TTC23L: variants seen among roughly 807,000 people sequenced by gnomAD.
The protein encoded by TTC23L is tetratricopeptide repeat protein 23-like.
Under a neutral mutation model 48.1 loss-of-function variants are expected in TTC23L, and 42 were observed. The ratio of observed to expected loss-of-function variants is 0.87; its 90% CI spans 0.68 to 1.13. TTC23L has a LOEUF of 1.13. TTC23L is among the 50% of genes most tolerant of loss of function. The pLI, the probability that TTC23L is intolerant of heterozygous loss-of-function variation, is 0.00. For synonymous variants in TTC23L, 159 were observed against 157.2 expected (o/e 1.01, Z -0.09); for missense variants, 391 against 421.0 (o/e 0.93, Z 0.62).
the TTC23L span, chr5:34,918,366 A>G: frequency 3.6e-6 from 5 of 1,395,334 alleles, no homozygotes; most frequent in Non-Finnish European, 5.0e-6. Flanking sequence ...TTCTTTAGGG[A>G]AAGTGGAAAA....
At chr5:34,925,588 T>A in the TTC23L span, 1 of 1,060,988 alleles carries the variant, frequency 9.4e-7, no homozygotes, top group Non-Finnish European at 1.3e-6. Context: ...ATCTTACGTC[T>A]AATTAGTGTA....
chr5:34,858,261 T>A (rs1358320558), intron 4 of TTC23L, among the ~76,000 whole-genome samples: 1 of 152,172 alleles, frequency 6.6e-6, no homozygotes, highest in Non-Finnish European at 1.5e-5. Flanking sequence ...CTATGAAGCA[T>A]CCTTCATAGA....
the TTC23L span, chr5:34,922,352 T>TGTTATA: frequency 9.0e-5 from 95 of 1,058,854 alleles, no homozygotes; most frequent in Non-Finnish European, 1.2e-4. Flanking sequence ...GTACCTTTTA[T>TGTTATA]GTTATAGACT....
intron 4 of TTC23L, among the ~76,000 whole-genome samples, chr5:34,851,610 A>T (rs79102096): frequency 0.022 from 3,399 of 152,192 alleles, 128 homozygotes; most frequent in African/African-American, 0.079. Context: ...GAATGTCCTT[A>T]TGTACTGGCA....
intron 3 of TTC23L, 105 bp downstream of exon 3, chr5:34,845,778 G>C: frequency 1.7e-6 from 2 of 1,178,958 alleles, no homozygotes; most frequent in East Asian, 5.1e-5. Context: ...ATAGAGGAAG[G>C]TGTCATATTT....
At chr5:34,868,457 G>A (rs1263349551) in intron 7 of TTC23L, 2 of 155,980 alleles carry the variant, frequency 1.3e-5, no homozygotes, top group African/African-American at 4.8e-5. Flanking sequence ...TATATGCTGG[G>A]TGGTGTTCTA....
At chr5:34,877,361 CTTTTT>C (rs796888113) in intron 8 of TTC23L, among the ~76,000 whole-genome samples, 2 of 121,092 alleles carry the variant, frequency 1.7e-5, no homozygotes, top group Non-Finnish European at 1.8e-5. Context: ...CACCATTGTT[CTTTTT>C]TTTTTTTTTT....
chr5:34,877,193 G>A (rs993986384), intron 8 of TTC23L, among the ~76,000 whole-genome samples: 1 of 152,020 alleles, frequency 6.6e-6, no homozygotes, highest in Non-Finnish European at 1.5e-5. Context: ...CACACCAACA[G>A]GCTAAAGAAG....
chr5:34,871,379 G>C (rs926624913), intron 8 of TTC23L, among the ~76,000 whole-genome samples: 1 of 152,088 alleles, frequency 6.6e-6, no homozygotes, highest in African/African-American at 2.4e-5. Flanking sequence ...TTTATGTGCT[G>C]AAAACTACAA....
the TTC23L span, chr5:34,911,423 G>C: frequency 1.9e-6 from 2 of 1,077,602 alleles, no homozygotes; most frequent in Non-Finnish European, 2.7e-6. Flanking sequence ...TATGAGGTAA[G>C]AGTACAAGCT....
chr5:34,893,103 C>A (rs1762976390), intron 9 of TTC23L, among the ~76,000 whole-genome samples: 1 of 151,952 alleles, frequency 6.6e-6, no homozygotes, highest in Non-Finnish European at 1.5e-5. Context: ...TATCTAAAGC[C>A]GTAGTAGGAA....
the TTC23L span, chr5:34,908,590 AC>A: frequency 1.8e-6 from 1 of 551,170 alleles, no homozygotes; most frequent in Non-Finnish European, 3.2e-6. Context: ...CATGCCCTCT[AC>A]AAAATGGATT....
chr5:34,924,746 T>C, the TTC23L span: 4 of 685,444 alleles, frequency 5.8e-6, no homozygotes, highest in Admixed American at 1.0e-4. Context: ...ATTTTATGGA[T>C]TATCAATTAT....
intron 4 of TTC23L, among the ~76,000 whole-genome samples, chr5:34,855,721 G>C (rs955917451): frequency 3.9e-5 from 6 of 152,198 alleles, no homozygotes; most frequent in African/African-American, 1.4e-4. Flanking sequence ...TATCCTTCTA[G>C]GGAAAGATCT....
chr5:34,851,908 C>A (rs1306979781), intron 4 of TTC23L, among the ~76,000 whole-genome samples: 1 of 152,074 alleles, frequency 6.6e-6, no homozygotes, highest in Non-Finnish European at 1.5e-5. Context: ...AGGTACCATT[C>A]TAGAGGTAGG....
chr5:34,854,144 C>A (rs991859774), intron 4 of TTC23L, among the ~76,000 whole-genome samples: 1 of 152,214 alleles, frequency 6.6e-6, no homozygotes, highest in African/African-American at 2.4e-5. Flanking sequence ...AAATCCTTTT[C>A]TCCCTAACTG....
At chr5:34,851,639 A>G (rs1204370253) in intron 4 of TTC23L, among the ~76,000 whole-genome samples, 2 of 152,302 alleles carry the variant, frequency 1.3e-5, no homozygotes, top group East Asian at 1.9e-4. Flanking sequence ...AGCCACCTCT[A>G]TGAAATTTCA....
intron 1 of TTC23L, among the ~76,000 whole-genome samples, chr5:34,839,889 G>C (rs1758457845): frequency 6.6e-6 from 1 of 152,210 alleles, no homozygotes; most frequent in South Asian, 2.1e-4. Flanking sequence ...AACTAAAACA[G>C]ACACATGAAT....
At chr5:34,886,122 C>A (rs1318392289) in intron 9 of TTC23L, among the ~76,000 whole-genome samples, 1 of 152,154 alleles carries the variant, frequency 6.6e-6, no homozygotes, top group Non-Finnish European at 1.5e-5. Context: ...ATTCCTTCAT[C>A]TGTAAAATGA....
Sources: allele counts gnomAD v4.1 joint callset (sites outside exome capture counted in the v4.1 genomes callset), GRCh38; gene constraint gnomAD v4.1.1; transcripts MANE v1.5; gene names NCBI Gene and HGNC (gene_info 2026-07-23, HGNC 2026-07-21).